NRG3: variants seen among roughly 807,000 people sequenced by gnomAD.
The protein encoded by NRG3 is pro-neuregulin-3, membrane-bound isoform.
A neutral mutation model predicts 66.9 loss-of-function variants in NRG3; 31 were observed. The observed-to-expected ratio is 0.46, with a 90% CI of 0.35 to 0.63. The LOEUF (loss-of-function observed/expected upper bound fraction) is 0.63. Ranked by LOEUF, NRG3 falls within the 20% of genes least tolerant of loss-of-function variation. The probability of loss-of-function intolerance (pLI) is 0.00; values close to 1 mark genes in which losing one functional copy is unlikely to be tolerated. For synonymous variants in NRG3, 393 were observed against 359.4 expected (o/e 1.09, Z -1.06); for missense variants, 910 against 878.9 (o/e 1.04, Z -0.45).
intron 1 of NRG3, among the ~76,000 whole-genome samples, chr10:81,964,355 C>T (rs961853659): frequency 2.2e-5 from 3 of 135,720 alleles, no homozygotes; most frequent in Admixed American, 8.2e-5. Context: ...AAGATTGCAT[C>T]GCTGCACTCC....
At chr10:82,453,309 CTT>C (rs1448485585) in intron 2 of NRG3, among the ~76,000 whole-genome samples, 1 of 152,020 alleles carries the variant, frequency 6.6e-6, no homozygotes, top group Non-Finnish European at 1.5e-5. Flanking sequence ...AGTAAATTGT[CTT>C]TGTCTTCATA....
At chr10:81,920,005 A>G (rs1336906746) in intron 1 of NRG3, among the ~76,000 whole-genome samples, 2 of 152,228 alleles carry the variant, frequency 1.3e-5, no homozygotes, top group Non-Finnish European at 2.9e-5. Context: ...AAATAACAAT[A>G]AAAATAACTT....
chr10:82,239,525 G>A (rs1347265736), intron 1 of NRG3, among the ~76,000 whole-genome samples: 2 of 152,102 alleles, frequency 1.3e-5, no homozygotes, highest in Non-Finnish European at 2.9e-5. Flanking sequence ...TTTAATTGGT[G>A]TAAATGATAT....
At chr10:82,830,650 C>T (rs781010786) in intron 3 of NRG3, among the ~76,000 whole-genome samples, 31 of 152,108 alleles carry the variant, frequency 2.0e-4, no homozygotes, top group Non-Finnish European at 3.5e-4. Flanking sequence ...GGCTCAAAAA[C>T]GACTGCACAT....
chr10:82,618,167 C>G (rs1195188030), intron 2 of NRG3, among the ~76,000 whole-genome samples: 1 of 152,112 alleles, frequency 6.6e-6, no homozygotes, highest in Non-Finnish European at 1.5e-5. Flanking sequence ...TGAAATTTGT[C>G]TTTGACTTTG....
chr10:82,317,146 T>C (rs1370938134), intron 1 of NRG3, among the ~76,000 whole-genome samples: 7 of 151,926 alleles, frequency 4.6e-5, no homozygotes, highest in Non-Finnish European at 7.4e-5. Flanking sequence ...GTGTAATCCC[T>C]CAAGTGAGAT....
At chr10:82,334,372 A>G (rs909259156) in intron 1 of NRG3, among the ~76,000 whole-genome samples, 1 of 152,128 alleles carries the variant, frequency 6.6e-6, no homozygotes, top group Non-Finnish European at 1.5e-5. Context: ...AGGGAAAGGA[A>G]ACATGTAAAC....
chr10:82,797,732 A>G (rs886472018), intron 3 of NRG3, among the ~76,000 whole-genome samples: 15 of 152,116 alleles, frequency 9.9e-5, no homozygotes, highest in African/African-American at 3.6e-4. Context: ...ATTTTGTCTC[A>G]TCTGCTAGTG....
intron 1 of NRG3, among the ~76,000 whole-genome samples, chr10:81,984,017 T>C (rs2060431282): frequency 6.6e-6 from 1 of 152,112 alleles, no homozygotes; most frequent in Non-Finnish European, 1.5e-5. Context: ...AAGGTGATAA[T>C]GGAAGCAGAG....
intron 1 of NRG3, among the ~76,000 whole-genome samples, chr10:82,186,502 T>C (rs2073817334): frequency 6.6e-6 from 1 of 152,184 alleles, no homozygotes; most frequent in Non-Finnish European, 1.5e-5. Context: ...AATTTTAACC[T>C]GAGCCTGACA....
At position 82,087,832 on chromosome 10, in the gene NRG3, TC is replaced by T. The variant is rs570547926; in HGVS notation, c.823+211671del. ...GCCACTCTCAAATGTTTTTGTCCAC[TC>T]CAGGTCTCAGCCTATTAGCACATCC... On this transcript the variant is annotated intron_variant, in intron 1 of 8. Coordinates refer to ENST00000372141, the MANE Select transcript of NRG3 (RefSeq NM_001010848.4). Among the ~76,000 whole-genome samples the T allele has an allele frequency of 1.8e-4, 27 of 152,288 alleles. No individual in the cohort carries two copies. In the East Asian group the frequency reaches 4.8e-3, roughly 27 times the overall value.
chr10:82,265,276 C>T (rs2078237699), intron 1 of NRG3, among the ~76,000 whole-genome samples: 1 of 152,064 alleles, frequency 6.6e-6, no homozygotes, highest in Non-Finnish European at 1.5e-5. Context: ...TCTGCTGAAA[C>T]CCAACTTGGG....
At chr10:82,841,430 A>G (rs1591688429) in intron 3 of NRG3, among the ~76,000 whole-genome samples, 1 of 152,176 alleles carries the variant, frequency 6.6e-6, no homozygotes, top group East Asian at 1.9e-4. Context: ...TAGTATACTG[A>G]TCTACATTAT....
chr10:82,562,063 A>G lies in NRG3; in HGVS notation c.954-176514A>G, dbSNP rs546200530. 2.0e-5 allele frequency among the ~76,000 whole-genome samples: 3 copies of G among 152,324 alleles called. No homozygotes were observed. In the South Asian group the frequency reaches 6.2e-4, roughly 32 times the overall value. ...CCTTCCTACATTTATTTGATTTATG[A>G]CTTTAAGCCTGAGGTTCCATATCAA... On this transcript the variant is annotated intron_variant, in intron 2 of 8. Coordinates refer to ENST00000372141, the MANE Select transcript of NRG3 (RefSeq NM_001010848.4).
chr10:82,437,530 T>C (rs1486443698), intron 2 of NRG3, among the ~76,000 whole-genome samples: 2 of 152,122 alleles, frequency 1.3e-5, no homozygotes, highest in African/African-American at 4.8e-5. Context: ...TTCTAAAGCC[T>C]ACTTCTGTCA....
chr10:82,327,864 T>G (rs981175347), intron 1 of NRG3, among the ~76,000 whole-genome samples: 11 of 152,224 alleles, frequency 7.2e-5, no homozygotes, highest in African/African-American at 2.7e-4. Context: ...GTCTTTTTCC[T>G]TGGCTTGTAG....
chr10:82,552,932 A>G (rs749305315), intron 2 of NRG3, among the ~76,000 whole-genome samples: 1 of 151,964 alleles, frequency 6.6e-6, no homozygotes, highest in Non-Finnish European at 1.5e-5. Flanking sequence ...CACTGAAGTG[A>G]TTGGAGATAG....
rs552470645 is a variant in NRG3 at position 82,352,657 on chromosome 10, G to T, written c.824-6082G>T. On this transcript the variant is annotated intron_variant, in intron 1 of 8. Transcript: ENST00000372141. The stretch of plus-strand genomic sequence containing the variant: ...GAAATCTGTGGACAACTGTGGGATT[G>T]TGGGGGTGCAAGGTGGCAACCTGCA... Among the ~76,000 whole-genome samples the T allele has an allele frequency of 2.0e-4, 31 of 152,308 alleles. No individual in the cohort carries two copies. In the South Asian group the frequency reaches 6.4e-3, roughly 32 times the overall value.
At chr10:82,658,617 C>T (rs1318150892) in intron 2 of NRG3, among the ~76,000 whole-genome samples, 1 of 151,184 alleles carries the variant, frequency 6.6e-6, no homozygotes, top group African/African-American at 2.4e-5. Context: ...CTAAAAAATA[C>T]AAACTAATCT....
Sources: gnomAD v4.1 joint callset for allele counts (sites outside exome capture counted in the v4.1 genomes callset) on GRCh38, gnomAD v4.1.1 for gene constraint, MANE v1.5 for transcripts, NCBI Gene and HGNC (gene_info 2026-07-23, HGNC 2026-07-21) for gene names.